Variants in MAGT1 observed in about 807,000 individuals in gnomAD.
The protein encoded by MAGT1 is magnesium transporter 1.
A neutral mutation model predicts 28.4 loss-of-function variants in MAGT1; 4 were observed. The ratio of observed to expected loss-of-function variants is 0.14; its 90% CI spans 0.07 to 0.32. The LOEUF (loss-of-function observed/expected upper bound fraction) is 0.32, where lower values mean the gene tolerates loss of function less well. Among genes scored for constraint, MAGT1 ranks in the 10% least tolerant of loss-of-function variants. The pLI, the probability that MAGT1 is intolerant of heterozygous loss-of-function variation, is 1.00. For synonymous variants in MAGT1, 89 were observed against 89.7 expected (o/e 0.99, Z 0.04); for missense variants, 193 against 264.5 (o/e 0.73, Z 1.88).
At chrX:77,858,382 G>T (rs782219260) in intron 3 of MAGT1, among the ~76,000 whole-genome samples, 1 of 110,616 alleles carries the variant, frequency 9.0e-6, no homozygotes, top group South Asian at 3.9e-4. Flanking sequence ...GTAGAGACAG[G>T]GGTTCACCAT....
At chrX:77,840,385 G>A (rs976131310) in intron 8 of MAGT1, among the ~76,000 whole-genome samples, 5 of 108,252 alleles carry the variant, frequency 4.6e-5, no homozygotes, top group African/African-American at 6.7e-5. Flanking sequence ...GCAGTGAGCC[G>A]AGATTGCACC....
At chrX:77,861,514 G>C (rs1307996247) in intron 3 of MAGT1, among the ~76,000 whole-genome samples, 2 of 111,889 alleles carry the variant, frequency 1.8e-5, no homozygotes, top group African/African-American at 6.5e-5. Flanking sequence ...ATTAAAAATA[G>C]AATTACCATA....
chrX:77,884,533 A>G (rs1231111630), intron 1 of MAGT1, among the ~76,000 whole-genome samples: 1 of 111,165 alleles, frequency 9.0e-6, no homozygotes, highest in Admixed American at 9.7e-5. Flanking sequence ...ATACTGAGGT[A>G]GAAACTCAAA....
At chrX:77,895,458 T>C (rs2077096520), upstream of MAGT1, 2 of 1,196,677 alleles carry the variant, frequency 1.7e-6, no homozygotes, top group East Asian at 6.0e-5. Flanking sequence ...CGGCTAGGTC[T>C]GAGGGTGGGG....
intron 3 of MAGT1, among the ~76,000 whole-genome samples, chrX:77,868,891 A>G (rs112706715): frequency 0.029 from 3,247 of 111,878 alleles, 64 homozygotes; most frequent in Non-Finnish European, 0.048. Context: ...GGGCCCAGGA[A>G]AAAGGTTCAG....
chrX:77,840,871 G>C (rs781801934), intron 8 of MAGT1, among the ~76,000 whole-genome samples: 1 of 111,746 alleles, frequency 8.9e-6, no homozygotes, highest in Non-Finnish European at 1.9e-5. Flanking sequence ...CAGAGTATAA[G>C]TTTAAAATTA....
chrX:77,850,696 T>G (rs1457836763), intron 7 of MAGT1, among the ~76,000 whole-genome samples: 9 of 111,041 alleles, frequency 8.1e-5, no homozygotes, highest in African/African-American at 2.9e-4. Flanking sequence ...CCGTTCCAAA[T>G]GTATACTAAA....
At chrX:77,838,308 T>G (rs1257459946) in intron 8 of MAGT1, among the ~76,000 whole-genome samples, 26 of 109,798 alleles carry the variant, frequency 2.4e-4, no homozygotes, top group African/African-American at 8.6e-4. Context: ...TAAAATTAAA[T>G]TAACTGGGAG....
intron 8 of MAGT1, among the ~76,000 whole-genome samples, chrX:77,832,669 A>G (rs1305120935): frequency 1.8e-5 from 2 of 109,306 alleles, no homozygotes; most frequent in Non-Finnish European, 3.8e-5. Flanking sequence ...TCTCTACTAA[A>G]AACTACAAAA....
chrX:77,874,814 T>C (rs1467675946), intron 2 of MAGT1, among the ~76,000 whole-genome samples: 1 of 109,296 alleles, frequency 9.1e-6, no homozygotes, highest in African/African-American at 3.3e-5. Flanking sequence ...AATAAAAAAA[T>C]ACTACATCAA....
intron 1 of MAGT1, among the ~76,000 whole-genome samples, chrX:77,888,539 A>AAT (rs2077073195): frequency 9.0e-6 from 1 of 111,576 alleles, no homozygotes; most frequent in Non-Finnish European, 1.9e-5. Flanking sequence ...ATTTCATCTT[A>AAT]CCTGCTTGCA....
At chrX:77,885,553 T>G (rs1000966006) in intron 1 of MAGT1, 13 of 107,447 alleles carry the variant, frequency 1.2e-4, no homozygotes, top group Non-Finnish European at 2.3e-4. Context: ...GGGTGTCACT[T>G]TGTCACCCAG....
At chrX:77,886,527 C>T (rs782558999) in intron 1 of MAGT1, among the ~76,000 whole-genome samples, 33 of 110,232 alleles carry the variant, frequency 3.0e-4, no homozygotes, top group Non-Finnish European at 5.7e-5. Context: ...CCTGTAGTTG[C>T]GGCTACTCAG....
chrX:77,853,987 T>C (rs2076975207), intron 6 of MAGT1, 23 bp from the exon 7 acceptor site: 1 of 1,142,154 alleles, frequency 8.8e-7, no homozygotes, highest in African/African-American at 1.8e-5. Flanking sequence ...AAAGACAAAA[T>C]GGAATCTTTA....
chrX:77,843,701 ATACTTT>A (rs1228706131), intron 7 of MAGT1, among the ~76,000 whole-genome samples: 3 of 111,671 alleles, frequency 2.7e-5, no homozygotes, highest in South Asian at 3.7e-4. Flanking sequence ...TTTATTTATT[ATACTTT>A]AAGTTTTAGG....
chrX:77,891,609 G>A (rs1298056135), intron 1 of MAGT1, among the ~76,000 whole-genome samples: 1 of 111,416 alleles, frequency 9.0e-6, no homozygotes, highest in Non-Finnish European at 1.9e-5. Context: ...TATAGTGCCT[G>A]GCATGTAGAA....
At chrX:77,890,482 G>C (rs914322727) in intron 1 of MAGT1, among the ~76,000 whole-genome samples, 10 of 111,456 alleles carry the variant, frequency 9.0e-5, no homozygotes, top group Non-Finnish European at 3.8e-5. Flanking sequence ...TTTTTTGGTG[G>C]TGTCTCCATT....
chrX:77,839,377 C>G (rs1481223531), intron 8 of MAGT1, among the ~76,000 whole-genome samples: 1 of 104,933 alleles, frequency 9.5e-6, no homozygotes, highest in Non-Finnish European at 2.0e-5. Context: ...AAGTTTCACT[C>G]TTGTTGCCCA....
intron 1 of MAGT1, among the ~76,000 whole-genome samples, chrX:77,883,200 G>A (rs1258403779): frequency 2.9e-5 from 3 of 103,798 alleles, no homozygotes; most frequent in East Asian, 2.9e-4. Context: ...GAGTAGTGCC[G>A]CAGTAAACAT....
Sources: allele counts gnomAD v4.1 joint callset (sites outside exome capture counted in the v4.1 genomes callset), GRCh38; gene constraint gnomAD v4.1.1; transcripts MANE v1.5; gene names NCBI Gene and HGNC (gene_info 2026-07-23, HGNC 2026-07-21).